PRKG1: variants seen among roughly 807,000 people sequenced by gnomAD.
PRKG1 encodes protein kinase cGMP-dependent 1.
Under a neutral mutation model 88.1 loss-of-function variants are expected in PRKG1, and 35 were observed. The observed-to-expected ratio is 0.40, with a 90% confidence interval of 0.30 to 0.53. The LOEUF is 0.53. PRKG1 is among the 20% of genes least tolerant of loss of function. The pLI, the probability that PRKG1 is intolerant of heterozygous loss-of-function variation, is 0.59. For synonymous variants in PRKG1, 303 were observed against 292.5 expected (o/e 1.04, Z -0.37); for missense variants, 540 against 839.8 (o/e 0.64, Z 4.41).
At chr10:51,644,764 G>T (rs990513513) in intron 3 of PRKG1, among the ~76,000 whole-genome samples, 1 of 151,984 alleles carries the variant, frequency 6.6e-6, no homozygotes, top group African/African-American at 2.4e-5. Context: ...GGGTTGGTTG[G>T]CTTCCTTCCT....
chr10:51,086,305 T>G (rs1158968412), intron 1 of PRKG1, among the ~76,000 whole-genome samples: 1 of 152,236 alleles, frequency 6.6e-6, no homozygotes, highest in Non-Finnish European at 1.5e-5. Flanking sequence ...ATTAACATAT[T>G]TATTTTCCCT....
At chr10:52,062,439 G>C (rs1195310280) in intron 6 of PRKG1, 98 bp from the exon 7 acceptor site, 3 of 703,754 alleles carry the variant, frequency 4.3e-6, no homozygotes, top group Non-Finnish European at 6.4e-6. Context: ...ATAAAAATAA[G>C]AAAAGAAACA....
At chr10:51,084,957 T>C (rs73338488) in intron 1 of PRKG1, among the ~76,000 whole-genome samples, 5,560 of 152,318 alleles carry the variant, frequency 0.037, 127 homozygotes, top group Middle Eastern at 0.058. Flanking sequence ...GGAAAAAACA[T>C]ATCTTCTGGA....
rs539035589 is a variant in PRKG1, at chr10:52,214,118, A to G, written c.1077-37452A>G. ...AGCCATTCTCCTGGGTTATTAAGAC[A>G]CTGAGATGAATATACACCCTCCCCA... is the stretch of plus-strand genomic sequence containing the variant. On this transcript the variant is annotated intron_variant, in intron 9 of 17. Transcript: ENST00000373980. Among the ~76,000 whole-genome samples, 6 of 152,250 alleles carry G rather than the reference A, an allele frequency of 3.9e-5. No individual in the cohort carries two copies. In the South Asian group the frequency reaches 1.2e-3, roughly 32 times the overall value.
intron 3 of PRKG1, among the ~76,000 whole-genome samples, chr10:51,699,921 A>T (rs549195155): frequency 1.3e-5 from 2 of 152,212 alleles, no homozygotes; most frequent in South Asian, 2.1e-4. Context: ...TCTTCCCTTG[A>T]CGTCAAAGGC....
At chr10:51,922,394 T>C (rs1276149755) in intron 5 of PRKG1, among the ~76,000 whole-genome samples, 1 of 151,802 alleles carries the variant, frequency 6.6e-6, no homozygotes, top group African/African-American at 2.4e-5. Context: ...TTCAGTTTCA[T>C]TGATATCTGA....
At chr10:51,423,914 T>G (rs562633219) in intron 2 of PRKG1, among the ~76,000 whole-genome samples, 1 of 152,278 alleles carries the variant, frequency 6.6e-6, no homozygotes, top group South Asian at 2.1e-4. Flanking sequence ...ATCATCATAT[T>G]AAATTATACT....
intron 5 of PRKG1, among the ~76,000 whole-genome samples, chr10:51,932,354 A>T (rs1481988312): frequency 2.0e-5 from 3 of 152,202 alleles, no homozygotes; most frequent in Non-Finnish European, 4.4e-5. Flanking sequence ...TCCTTTAATA[A>T]TAACAGCTTC....
chr10:51,557,718 A>G (rs1280022637), intron 3 of PRKG1, among the ~76,000 whole-genome samples: 1 of 152,050 alleles, frequency 6.6e-6, no homozygotes, highest in Non-Finnish European at 1.5e-5. Context: ...CAAGATGTGA[A>G]AAATGTATTG....
At chr10:51,821,908 A>T (rs1839756452) in intron 4 of PRKG1, among the ~76,000 whole-genome samples, 1 of 152,088 alleles carries the variant, frequency 6.6e-6, no homozygotes, top group Non-Finnish European at 1.5e-5. Flanking sequence ...TCCTCAAAAA[A>T]TTAAAAATAG....
chr10:52,151,352 A>C (rs1044737812), intron 8 of PRKG1, among the ~76,000 whole-genome samples: 4 of 152,198 alleles, frequency 2.6e-5, no homozygotes, highest in African/African-American at 9.7e-5. Context: ...AATTTGGAGA[A>C]AAAATTCACA....
intron 5 of PRKG1, among the ~76,000 whole-genome samples, chr10:51,923,079 G>T (rs187258902): frequency 6.6e-6 from 1 of 152,012 alleles, no homozygotes; most frequent in South Asian, 2.1e-4. Context: ...GTGCTCTGTC[G>T]TTAGGTTTAT....
In PRKG1 at chr10:51,393,582, G is replaced by A. The variant is rs995755726; in HGVS notation, c.479-74141G>A. On this transcript the variant is annotated intron_variant, in intron 2 of 17. Coordinates refer to ENST00000373980, the MANE Select transcript of PRKG1 (RefSeq NM_006258.4). ...GACCAAGATCAGTGCCTTATCTACA[G>A]AAATATGAATGTGATGATCATTAAC... 2.6e-5 allele frequency among the ~76,000 whole-genome samples: 4 copies of A among 152,194 alleles called. No individual in the cohort carries two copies. In the East Asian group the frequency reaches 7.7e-4, roughly 29 times the overall value.
rs1838030424 is a variant in PRKG1 at position 51,761,891 on chromosome 10, T to C, written c.593-42694T>C. ...AAATAGTATTAAACTTTGATTATTG[T>C]GGATTATGTTTTTAAAAAAGATTTT... On this transcript the variant is annotated intron_variant, in intron 3 of 17. Transcript: ENST00000373980. Among the ~76,000 whole-genome samples, 3 of 152,298 alleles carry C rather than the reference T, an allele frequency of 2.0e-5. No homozygotes were observed. The South Asian group carries it at 6.2e-4, about 32-fold the overall frequency.
intron 2 of PRKG1, among the ~76,000 whole-genome samples, chr10:51,265,279 A>C (rs1305675018): frequency 6.6e-6 from 1 of 152,162 alleles, no homozygotes; most frequent in Non-Finnish European, 1.5e-5. Flanking sequence ...GAATAGAGAC[A>C]ACATAACATA....
At chr10:51,188,557 A>T (rs1363172494) in intron 2 of PRKG1, among the ~76,000 whole-genome samples, 1 of 151,994 alleles carries the variant, frequency 6.6e-6, no homozygotes, top group African/African-American at 2.4e-5. Context: ...AATTGCAACA[A>T]ATTGATGAAT....
intron 1 of PRKG1, among the ~76,000 whole-genome samples, chr10:51,020,732 T>G (rs1257046059): frequency 6.6e-6 from 1 of 152,154 alleles, no homozygotes; most frequent in Non-Finnish European, 1.5e-5. Flanking sequence ...TCAGTCCACT[T>G]TAGTCAGCAG....
At chr10:52,232,266 A>G (rs1840543730) in intron 9 of PRKG1, among the ~76,000 whole-genome samples, 1 of 151,970 alleles carries the variant, frequency 6.6e-6, no homozygotes, top group Admixed American at 6.6e-5. Context: ...TCACGCCATT[A>G]CACTCCAGCC....
At chr10:51,741,809 GCTAA>G (rs1837442061) in intron 3 of PRKG1, among the ~76,000 whole-genome samples, 2 of 152,184 alleles carry the variant, frequency 1.3e-5, no homozygotes, top group Non-Finnish European at 2.9e-5. Flanking sequence ...AGTTTTCAGT[GCTAA>G]CTTTGTAGCT....
Sources: allele counts gnomAD v4.1 joint callset (sites outside exome capture counted in the v4.1 genomes callset), GRCh38; gene constraint gnomAD v4.1.1; transcripts MANE v1.5; gene names NCBI Gene and HGNC (gene_info 2026-07-23, HGNC 2026-07-21).